The following CLASP1 variants were observed in gnomAD, a reference collection of about 807,000 sequenced individuals.
CLASP1 encodes cytoplasmic linker associated protein 1.
Under a neutral mutation model 192.3 loss-of-function variants are expected in CLASP1, and 38 were observed. The ratio of observed to expected loss-of-function variants is 0.20; its 90% confidence interval spans 0.15 to 0.26. CLASP1 has a LOEUF of 0.26. CLASP1 is among the 10% of genes least tolerant of loss of function. The pLI is 1.00. For missense variants in CLASP1, 1,433 were observed against 1,932.5 expected (o/e 0.74, Z 4.85); for synonymous variants, 691 against 712.8 (o/e 0.97, Z 0.49).
chr2:121,479,205 A>G (rs1191906274), intron 8 of CLASP1, among the ~76,000 whole-genome samples: 3 of 146,984 alleles, frequency 2.0e-5, no homozygotes, highest in African/African-American at 2.5e-5. Context: ...CCAGAAAAAG[A>G]AAAAAAAAAA....
At chr2:121,453,165 C>T (rs1331721908) in intron 14 of CLASP1, among the ~76,000 whole-genome samples, 1 of 152,106 alleles carries the variant, frequency 6.6e-6, no homozygotes, top group East Asian at 1.9e-4. Flanking sequence ...TGGTGGCATG[C>T]ACTAATAAAG....
chr2:121,530,193 G>T, intron 3 of CLASP1, 54 bp downstream of exon 3: 1 of 1,469,120 alleles, frequency 6.8e-7, no homozygotes, highest in Non-Finnish European at 9.3e-7. Context: ...GGAGGCCGAG[G>T]GAAGGCTGGG....
intron 1 of CLASP1, among the ~76,000 whole-genome samples, chr2:121,620,644 G>A (rs1455893370): frequency 1.3e-5 from 2 of 151,818 alleles, no homozygotes; most frequent in Admixed American, 6.6e-5. Context: ...CACCACGCCC[G>A]GCCTTGACTT....
At chr2:121,342,429 C>A (rs1010787471) in intron 39 of CLASP1, among the ~76,000 whole-genome samples, 2 of 151,968 alleles carry the variant, frequency 1.3e-5, no homozygotes, top group African/African-American at 2.4e-5. Flanking sequence ...TAGAAAACAT[C>A]TTGAGACAAA....
At chr2:121,602,034 G>C (rs1262280138) in intron 2 of CLASP1, among the ~76,000 whole-genome samples, 2 of 152,006 alleles carry the variant, frequency 1.3e-5, no homozygotes, top group Non-Finnish European at 2.9e-5. Context: ...AATCAGCCGG[G>C]TATGGTGGTG....
At chr2:121,611,000 A>C (rs1360761466) in intron 1 of CLASP1, among the ~76,000 whole-genome samples, 3 of 136,618 alleles carry the variant, frequency 2.2e-5, no homozygotes, top group African/African-American at 2.8e-5. Flanking sequence ...GAGGAGGAGG[A>C]GTTGGAGGAG....
intron 2 of CLASP1, among the ~76,000 whole-genome samples, chr2:121,564,668 C>T (rs920957952): frequency 2.6e-5 from 4 of 152,172 alleles, no homozygotes; most frequent in African/African-American, 9.7e-5. Flanking sequence ...AACTTTTGCT[C>T]CTGACAGCCC....
At chr2:121,377,712 A>AT (rs2070586356) in intron 33 of CLASP1, 63 bp from the exon 35 acceptor site, 3 of 1,104,644 alleles carry the variant, frequency 2.7e-6, no homozygotes, top group Non-Finnish European at 3.8e-6. Context: ...AGATATGGGC[A>AT]TAAGTTACTT....
chr2:121,450,892 T>A, intron 16 of CLASP1, 21 bp downstream of exon 16: 2 of 1,509,502 alleles, frequency 1.3e-6, no homozygotes, highest in Non-Finnish European at 1.8e-6. Context: ...ATTTAAAAAG[T>A]GGTGTACAAT....
intron 23 of CLASP1, among the ~76,000 whole-genome samples, chr2:121,415,332 G>A (rs1343672019): frequency 6.6e-6 from 1 of 152,224 alleles, no homozygotes; most frequent in Non-Finnish European, 1.5e-5. Context: ...GGGAGTTACT[G>A]AGTGGATTAA....
intron 32 of CLASP1, among the ~76,000 whole-genome samples, chr2:121,384,053 C>CATATATGTATATATACACACACACAT (rs1558972417): frequency 3.7e-5 from 5 of 135,390 alleles, no homozygotes; most frequent in African/African-American, 1.1e-4. Context: ...TATATACACA[C>CATATATGTATATATACACACACACAT]ATATATGTAT....
At chr2:121,627,035 AT>A (rs35309375) in intron 1 of CLASP1, among the ~76,000 whole-genome samples, 35,944 of 151,904 alleles carry the variant, frequency 0.24, 6,413 homozygotes, top group African/African-American at 0.5. Context: ...TAGGAGAGTA[AT>A]TCAGCAACAT....
intron 9 of CLASP1, among the ~76,000 whole-genome samples, chr2:121,468,258 T>C (rs1157437594): frequency 6.6e-6 from 1 of 152,240 alleles, no homozygotes; most frequent in Non-Finnish European, 1.5e-5. Context: ...AGGATTGCCT[T>C]GGCTATATGA....
intron 1 of CLASP1, among the ~76,000 whole-genome samples, chr2:121,638,270 T>C (rs1300743695): frequency 2.0e-5 from 3 of 152,154 alleles, no homozygotes; most frequent in Non-Finnish European, 4.4e-5. Context: ...ATACTACTTA[T>C]ATTATAGAAT....
intron 17 of CLASP1, 139 bp downstream of exon 17, chr2:121,448,814 T>C: frequency 1.3e-6 from 1 of 797,282 alleles, no homozygotes; most frequent in Non-Finnish European, 2.0e-6. Flanking sequence ...GTATCTTACT[T>C]TGCACCAGGA....
At chr2:121,493,964 T>C (rs1273805657) in intron 8 of CLASP1, among the ~76,000 whole-genome samples, 1 of 152,132 alleles carries the variant, frequency 6.6e-6, no homozygotes, top group African/African-American at 2.4e-5. Flanking sequence ...CTGGCAAGGA[T>C]GTGGAGAAAA....
At chr2:121,404,403 A>T in exon 26 of CLASP1, 2 of 1,612,500 alleles carry the variant, frequency 1.2e-6, no homozygotes, top group Non-Finnish European at 1.7e-6. Flanking sequence ...ATCCGAGTGA[A>T]GATCTCACAC....
At chr2:121,506,992 A>G (rs2093965969) in intron 7 of CLASP1, among the ~76,000 whole-genome samples, 1 of 152,210 alleles carries the variant, frequency 6.6e-6, no homozygotes, top group East Asian at 1.9e-4. Flanking sequence ...AGTTGCCACA[A>G]TATATTATTT....
intron 2 of CLASP1, among the ~76,000 whole-genome samples, chr2:121,554,453 G>GGAAA (rs2058340807): frequency 5.3e-5 from 1 of 19,010 alleles, no homozygotes; most frequent in Admixed American, 6.4e-4. Flanking sequence ...TCTACAAAAA[G>GGAAA]TAAAAAAAAA....
Sources: gnomAD v4.1 joint callset for allele counts (sites outside exome capture counted in the v4.1 genomes callset) on GRCh38, gnomAD v4.1.1 for gene constraint, MANE v1.5 for transcripts, NCBI Gene and HGNC (gene_info 2026-07-23, HGNC 2026-07-21) for gene names.